PHKA2: variants seen among roughly 807,000 people sequenced by gnomAD.
PHKA2 encodes phosphorylase kinase regulatory subunit alpha 2, also known as phosphorylase b kinase regulatory subunit alpha, liver isoform.
Under a neutral mutation model 102.0 loss-of-function variants are expected in PHKA2, and 31 were observed. The ratio of observed to expected loss-of-function variants is 0.30; its 90% CI spans 0.23 to 0.41. The LOEUF is 0.41. Ranked by LOEUF, PHKA2 falls within the 10% of genes least tolerant of loss-of-function variation. PHKA2 has a pLI of 1.00. For synonymous variants in PHKA2, 455 were observed against 416.2 expected, an observed-to-expected ratio of 1.09 and a Z score of -1.13; for missense variants, 858 against 1,023.1, an observed-to-expected ratio of 0.84 and a Z score of 2.20.
At chrX:18,934,614 G>A (rs2048364612) in intron 11 of PHKA2, among the ~76,000 whole-genome samples, 1 of 112,494 alleles carries the variant, frequency 8.9e-6, no homozygotes, top group Non-Finnish European at 1.9e-5. Context: ...GGTTTAACTG[G>A]TTCAGTGATC....
At chrX:18,919,077 GA>G (rs918504066) in intron 18 of PHKA2, among the ~76,000 whole-genome samples, 13 of 109,282 alleles carry the variant, frequency 1.2e-4, no homozygotes, top group South Asian at 7.8e-4. Context: ...TTTATCCCAG[GA>G]AAAAAAAACT....
At position 18,920,056 on chromosome X, in the gene PHKA2, A is replaced by G; in HGVS notation, c.1939T>C (p.Tyr647His). ...CCTTGATTACAGGTGTCTTCCAGAT[A>G]TCCTACCAAATCTGAATCACTATCA... Reference protein sequence around the residue: ...SPDSDSDLVGYLEDTCNQESQ... With the variant: ...SPDSDSDLVGHLEDTCNQESQ... The change falls in exon 18 of 33, where the codon TAT (tyrosine) becomes CAT (histidine). Residue 647 changes from tyrosine (Y) to histidine (H), a missense_variant. Tyr to His is a moderately conservative substitution (Grantham distance 83). Transcript: ENST00000379942. 8.3e-7 allele frequency: 1 copy of G among 1,204,365 alleles called. No individual in the cohort carries two copies. The highest frequency in any genetic ancestry group is 1.1e-6 in the Non-Finnish European group (1 of 889,034).
Position 18,918,710 on chromosome X carries a change from A to G in PHKA2, c.2108T>C (p.Met703Thr), listed in dbSNP as rs772895466. 8.3e-7 allele frequency: 1 copy of G among 1,211,524 alleles called. No individual in the cohort carries two copies. The highest frequency in any genetic ancestry group is 1.1e-6 in the Non-Finnish European group (1 of 894,982). ...AACTTCCAAACCCTTTGCTTTTGCCATCACAGAAAGTATGTCCCGCGTGGA... is the reference window on the plus strand; with the variant it reads ...AACTTCCAAACCCTTTGCTTTTGCCGTCACAGAAAGTATGTCCCGCGTGGA... ...IHSTRDILSV[M>T]AKAKGLEVPF... The change falls in exon 19 of 33, where the codon ATG becomes ACG. Residue 703 changes from methionine (M) to threonine (T), a missense_variant. Around this residue, in one of 2 missense-constraint regions of PHKA2, gnomAD observed 671 missense variants for 745.2 expected, o/e 0.90. Coordinates refer to ENST00000379942, the MANE Select transcript of PHKA2 (RefSeq NM_000292.3).
intron 29 of PHKA2, 126 bp from the exon 30 acceptor site, chrX:18,897,459 CA>C: frequency 1.9e-5 from 11 of 589,633 alleles, no homozygotes; most frequent in Non-Finnish European, 2.6e-5. Flanking sequence ...CAGAGAGGAA[CA>C]CGGTTCCTCC....
At chrX:18,951,407 C>T in intron 3 of PHKA2, 135 bp from the exon 4 acceptor site, 1 of 629,547 alleles carries the variant, frequency 1.6e-6, no homozygotes, top group East Asian at 3.4e-5. Flanking sequence ...AAGGCAGCTG[C>T]TAGGCAGCAC....
chrX:18,975,095 T>C (rs2049068203), intron 1 of PHKA2, among the ~76,000 whole-genome samples: 1 of 111,014 alleles, frequency 9.0e-6, no homozygotes, highest in Admixed American at 9.6e-5. Context: ...TCCCCTAACT[T>C]CTAGACTCAC....
intron 32 of PHKA2, 37 bp from the exon 33 acceptor site, chrX:18,893,692 GC>G: frequency 8.6e-7 from 1 of 1,156,367 alleles, no homozygotes; most frequent in Non-Finnish European, 1.2e-6. Flanking sequence ...AATAAGCGGA[GC>G]CCCCACTCCC....
chrX:18,943,863 T>A, intron 6 of PHKA2, 55 bp from the exon 7 acceptor site: 2 of 836,756 alleles, frequency 2.4e-6, no homozygotes, highest in Non-Finnish European at 3.6e-6. Context: ...CACTCCAATA[T>A]CTGGTGTTCC....
At chrX:18,959,900 T>C (rs758294375) in intron 1 of PHKA2, among the ~76,000 whole-genome samples, 1 of 111,392 alleles carries the variant, frequency 9.0e-6, no homozygotes, top group South Asian at 3.9e-4. Context: ...AACCTGCCAA[T>C]GATATCCTTA....
At chrX:18,952,227 C>T (rs1198890983) in intron 3 of PHKA2, among the ~76,000 whole-genome samples, 1 of 91,296 alleles carries the variant, frequency 1.1e-5, no homozygotes, top group African/African-American at 4.1e-5. Context: ...GAATGGTACA[C>T]ACCTCAGGTG....
chrX:18,951,873 A>G, intron 3 of PHKA2, among the ~76,000 whole-genome samples: 1 of 110,742 alleles, frequency 9.0e-6, no homozygotes, highest in East Asian at 2.9e-4. Flanking sequence ...TTTTACAAAC[A>G]TGATGGAATA....
At chrX:18,922,758 GAA>G (rs1172505032) in intron 17 of PHKA2, among the ~76,000 whole-genome samples, 2 of 111,491 alleles carry the variant, frequency 1.8e-5, no homozygotes, top group African/African-American at 3.3e-5. Context: ...GTTGCAAAAT[GAA>G]AAGAGTTCTG....
intron 29 of PHKA2, among the ~76,000 whole-genome samples, chrX:18,898,935 T>C (rs1967159942): frequency 1.8e-5 from 2 of 112,390 alleles, no homozygotes; most frequent in South Asian, 3.7e-4. Flanking sequence ...TCACCCACAC[T>C]GTGCCAAGGA....
intron 1 of PHKA2, among the ~76,000 whole-genome samples, chrX:18,969,993 AC>A (rs1461012866): frequency 8.9e-6 from 1 of 112,308 alleles, no homozygotes; most frequent in East Asian, 2.8e-4. Context: ...TAACCCCAGC[AC>A]TTTGGGAGGC....
At chrX:18,959,102 A>G in intron 1 of PHKA2, among the ~76,000 whole-genome samples, 1 of 112,302 alleles carries the variant, frequency 8.9e-6, no homozygotes, top group Middle Eastern at 4.6e-3. Context: ...GCTAGAATCA[A>G]ACTGCCGTGT....
intron 1 of PHKA2, among the ~76,000 whole-genome samples, chrX:18,976,023 G>A (rs1237752630): frequency 1.1e-5 from 1 of 88,747 alleles, no homozygotes; most frequent in Non-Finnish European, 2.1e-5. Flanking sequence ...CGCTCAGACT[G>A]GAGTGTGGTG....
rs140735516 is a variant in PHKA2, at chrX:18,937,079, G to T, written c.1042-929C>A. 5.8e-3 allele frequency among the ~76,000 whole-genome samples: 643 copies of T among 111,309 alleles called. 4 individuals are homozygous for T. The highest frequency in any genetic ancestry group is 0.02 in the African/African-American group (609 of 30,627). On this transcript the variant is annotated intron_variant, in intron 10 of 32. Coordinates refer to ENST00000379942, the MANE Select transcript of PHKA2 (RefSeq NM_000292.3). ...TGGGGAAATATTAACATTTCCAGCT[G>T]ACTGCTGGTTCTGAAGCCCCCCAGC...
At chrX:18,895,984 C>T (rs960344701) in intron 30 of PHKA2, 6 of 111,647 alleles carry the variant, frequency 5.4e-5, no homozygotes, top group South Asian at 3.9e-4. Flanking sequence ...GGGCCTGCTC[C>T]GACCTCCTCA....
chrX:18,897,377 T>C (rs1464199392), intron 29 of PHKA2, 44 bp from the exon 30 acceptor site: 3 of 1,164,688 alleles, frequency 2.6e-6, no homozygotes, highest in African/African-American at 1.8e-5. Flanking sequence ...ACGCAGCAGG[T>C]GCCCCAGGGA....
Sources: allele counts gnomAD v4.1 joint callset (sites outside exome capture counted in the v4.1 genomes callset), GRCh38; gene constraint gnomAD v4.1.1; regional missense constraint gnomAD v4.1.1; transcripts MANE v1.5; gene names NCBI Gene and HGNC (gene_info 2026-07-23, HGNC 2026-07-21).